The following SDC4 variants were observed in gnomAD, a reference collection of about 807,000 sequenced individuals.
SDC4 encodes the protein syndecan 4.
SDC4 carries 17 observed loss-of-function variants against 20.5 expected under a neutral mutation model. The observed-to-expected ratio is 0.83, with a 90% confidence interval of 0.57 to 1.25. The LOEUF is 1.25. SDC4 is among the 50% of genes most tolerant of loss of function. SDC4 has a pLI of 0.00. For synonymous variants in SDC4, 107 were observed against 105.3 expected (o/e 1.02, Z -0.10); for missense variants, 241 against 252.3 (o/e 0.96, Z 0.30).
chr20:45,334,872 C>T (rs1466739961), intron 2 of SDC4, among the ~76,000 whole-genome samples: 1 of 152,208 alleles, frequency 6.6e-6, no homozygotes, highest in African/African-American at 2.4e-5. Flanking sequence ...TCAGTCCCCA[C>T]AACACTGATG....
chr20:45,335,684 C>T, intron 2 of SDC4, 98 bp downstream of exon 2: 8 of 1,354,162 alleles, frequency 5.9e-6, no homozygotes, highest in Middle Eastern at 5.3e-4. Flanking sequence ...AAAAGTCCCA[C>T]AAAAATCCAA....
Position 45,325,869 on chromosome 20 carries a change from T to C in SDC4, c.*1395A>G, listed in dbSNP as rs1372684639. ...ACTTTAAACAGCCGCATGTGGTTAC[T>C]GTATTGGATAGCACAGCCCTAGAGC... is the stretch of plus-strand genomic sequence containing the variant. On this transcript the variant is annotated 3_prime_UTR_variant, in exon 5 of 5. Coordinates refer to ENST00000372733, the MANE Select transcript of SDC4 (RefSeq NM_002999.4). 1 of 152,640 alleles carries C rather than the reference T, an allele frequency of 6.6e-6. No homozygotes were observed. The highest frequency in any genetic ancestry group is 2.4e-5 in the African/African-American group (1 of 41,452). 9.5% of individuals were successfully genotyped at this position (152,640 alleles called of 1,614,324 possible). A position where few individuals can be genotyped will look rare whatever the true frequency, so the allele number is the denominator to read the frequency against.
intron 1 of SDC4, among the ~76,000 whole-genome samples, chr20:45,339,801 G>A (rs1987928837): frequency 6.6e-6 from 1 of 152,232 alleles, no homozygotes; most frequent in South Asian, 2.1e-4. Context: ...CCTGTGGCTG[G>A]TGGGGATCTG....
intron 4 of SDC4, among the ~76,000 whole-genome samples, chr20:45,328,881 C>G (rs1176818804): frequency 6.6e-6 from 1 of 152,138 alleles, no homozygotes; most frequent in Non-Finnish European, 1.5e-5. Flanking sequence ...GCATCAACCC[C>G]ATTCTTGTCT....
intron 3 of SDC4, among the ~76,000 whole-genome samples, chr20:45,331,701 C>T (rs1987780335): frequency 6.6e-6 from 1 of 152,202 alleles, no homozygotes; most frequent in South Asian, 2.1e-4. Context: ...CTAAGAGACA[C>T]TCCCATCAGT....
intron 1 of SDC4, among the ~76,000 whole-genome samples, chr20:45,342,410 T>C (rs1987966641): frequency 6.6e-6 from 1 of 151,906 alleles, no homozygotes; most frequent in South Asian, 2.1e-4. Flanking sequence ...GAGGCTAGAG[T>C]GACACCGCCA....
chr20:45,348,231 A>T lies in SDC4; in HGVS notation c.60+94T>A. ...TCCGGTTGGGGGTAGCGTACCCCCG[A>T]TCTGCCCCCCCCCATCCCACGCTCC... On this transcript the variant is annotated intron_variant, in intron 1 of 4. Transcript: ENST00000372733. The T allele has an allele frequency of 1.6e-4, 125 of 780,874 alleles. 2 individuals are homozygous for T. The highest frequency in any genetic ancestry group is 2.5e-4 in the Middle Eastern group (1 of 4,042). The allele number at this position is 780,874 out of a possible 1,614,324, so 48.4% of individuals were successfully genotyped here. A position where few individuals can be genotyped will look rare whatever the true frequency, so the allele number is the denominator to read the frequency against.
intron 1 of SDC4, among the ~76,000 whole-genome samples, chr20:45,342,391 C>A (rs1987965959): frequency 6.6e-6 from 1 of 152,238 alleles, no homozygotes; most frequent in Non-Finnish European, 1.5e-5. Flanking sequence ...ACATCTGCCC[C>A]CACGCCCAGA....
At chr20:45,332,147 T>TTA (rs953522677) in intron 3 of SDC4, among the ~76,000 whole-genome samples, 3 of 141,016 alleles carry the variant, frequency 2.1e-5, no homozygotes, top group South Asian at 2.3e-4. Context: ...GTTCATAGAA[T>TTA]TATATATATA....
intron 4 of SDC4, 21 bp from the exon 5 acceptor site, chr20:45,327,436 G>T: frequency 6.2e-7 from 1 of 1,607,818 alleles, no homozygotes; most frequent in South Asian, 1.1e-5. Context: ...GGAGAGAGAA[G>T]AGGCGGGGGT....
Position 45,335,862 on chromosome 20 carries a change from C to A in SDC4, c.119G>T (p.Gly40Val). Residue 40 changes from glycine to valine, a missense_variant, in exon 2 of 5, where the codon GGA becomes GTA. By Grantham distance (109) the Gly-to-Val change is moderately radical. Coordinates refer to ENST00000372733, the MANE Select transcript of SDC4 (RefSeq NM_002999.4). ...TACATCCTCATCGTCTGGTAGGGCTCCGGAGAAGTATCGGCCTTCTAGGAG... is the reference window on the plus strand; with the variant it reads ...TACATCCTCATCGTCTGGTAGGGCTACGGAGAAGTATCGGCCTTCTAGGAG... Reference protein sequence around the residue: ...QDLLEGRYFSGALPDDEDVVG... With the variant: ...QDLLEGRYFSVALPDDEDVVG... 1 of 1,614,034 alleles carries A rather than the reference C, an allele frequency of 6.2e-7. No individual in the cohort carries two copies. The highest frequency in any genetic ancestry group is 8.5e-7 in the Non-Finnish European group (1 of 1,179,994).
chr20:45,336,806 C>T lies in SDC4; in HGVS notation c.61-886G>A, dbSNP rs149871450. Among the ~76,000 whole-genome samples the T allele has an allele frequency of 3.5e-3, 528 of 152,184 alleles. 2 individuals carry two copies. Among genetic ancestry groups the T allele is most frequent in the African/African-American group, 0.011 (466 of 41,528 alleles). On this transcript the variant is annotated intron_variant, in intron 1 of 4. Transcript: ENST00000372733. ...GACAGACAGGGCTGCCTCACGCACA[C>T]CCTAAGACAGCCTCAGGTCAGGGCG...
At chr20:45,334,051 G>A (rs973299794) in intron 2 of SDC4, among the ~76,000 whole-genome samples, 3 of 150,830 alleles carry the variant, frequency 2.0e-5, no homozygotes, top group Non-Finnish European at 2.9e-5. Flanking sequence ...CTGGAGTACC[G>A]TGGTGCCATC....
rs548842268 is a variant in SDC4 at position 45,338,199 on chromosome 20, T to C, written c.61-2279A>G. On this transcript the variant is annotated intron_variant, in intron 1 of 4. Coordinates refer to ENST00000372733, the MANE Select transcript of SDC4 (RefSeq NM_002999.4). The stretch of plus-strand genomic sequence containing the variant: ...AGATGGAAACAAGGGCTCAGAAAAG[T>C]AAAGTCACTTGTCCAAGGCCACACA... Among the ~76,000 whole-genome samples the C allele has an allele frequency of 3.9e-5, 6 of 152,188 alleles. No homozygotes were observed. In the East Asian group the frequency reaches 1.2e-3, roughly 29 times the overall value.
At chr20:45,346,076 G>A (rs182021862) in intron 1 of SDC4, among the ~76,000 whole-genome samples, 4 of 152,182 alleles carry the variant, frequency 2.6e-5, no homozygotes, top group African/African-American at 9.6e-5. Context: ...TTTTTGTGAG[G>A]ACAAAATGCA....
chr20:45,331,204 G>A (rs1372620950), intron 3 of SDC4, among the ~76,000 whole-genome samples: 1 of 152,138 alleles, frequency 6.6e-6, no homozygotes, highest in Non-Finnish European at 1.5e-5. Context: ...ACTGATTGGA[G>A]GACTTTGGAT....
Position 45,325,931 on chromosome 20 carries a change from CA to C in SDC4, c.*1332del, listed in dbSNP as rs1281801778. 1 of 152,590 alleles carries C rather than the reference CA, an allele frequency of 6.6e-6. No individual in the cohort carries two copies. Among genetic ancestry groups the C allele is most frequent in the Non-Finnish European group, 1.5e-5 (1 of 68,100 alleles). 9.5% of individuals were successfully genotyped at this position (152,590 alleles called of 1,614,324 possible). ...AAACCAAAGAACACCAGCTGGGTCC[CA>C]AACAGAAGGCAGAAAGGGTAGAACC... On this transcript the variant is annotated 3_prime_UTR_variant, in exon 5 of 5. Transcript: ENST00000372733.
intron 2 of SDC4, 138 bp downstream of exon 2, chr20:45,335,644 T>G (rs1987850544): frequency 3.4e-6 from 3 of 888,684 alleles, no homozygotes; most frequent in Non-Finnish European, 5.2e-6. Context: ...TGTTTCCCCT[T>G]TTTTTGAGAA....
At chr20:45,328,272 C>G (rs922915081) in intron 4 of SDC4, among the ~76,000 whole-genome samples, 2 of 152,192 alleles carry the variant, frequency 1.3e-5, no homozygotes, top group African/African-American at 4.8e-5. Flanking sequence ...CCTACCTCTC[C>G]TACTTCCTGG....
Sources: allele counts gnomAD v4.1 joint callset (sites outside exome capture counted in the v4.1 genomes callset), GRCh38; gene constraint gnomAD v4.1.1; transcripts MANE v1.5; gene names NCBI Gene and HGNC (gene_info 2026-07-23, HGNC 2026-07-21).